TMEM132B: variants seen among roughly 807,000 people sequenced by gnomAD.
The protein encoded by TMEM132B is transmembrane protein 132B.
In TMEM132B, 18 loss-of-function variants were observed where a neutral mutation model predicts 90.8. The ratio of observed to expected loss-of-function variants is 0.20; its 90% CI spans 0.14 to 0.29. The LOEUF is 0.29. TMEM132B is among the 10% of genes least tolerant of loss of function. TMEM132B has a pLI of 1.00. For missense variants in TMEM132B, 1,096 were observed against 1,326.8 expected (o/e 0.83, Z 2.70); for synonymous variants, 504 against 523.3 (o/e 0.96, Z 0.50).
intron 4 of TMEM132B, among the ~76,000 whole-genome samples, chr12:125,548,516 G>A (rs2046521974): frequency 6.6e-6 from 1 of 152,146 alleles, no homozygotes; most frequent in African/African-American, 2.4e-5. Flanking sequence ...AGGATTGAAG[G>A]ATAAGACGAC....
At chr12:125,513,329 TGTGC>T (rs1325750620) in intron 3 of TMEM132B, among the ~76,000 whole-genome samples, 1 of 122,770 alleles carries the variant, frequency 8.1e-6, no homozygotes, top group East Asian at 2.4e-4. Flanking sequence ...TGTATGTGCG[TGTGC>T]GTGTGCCTGT....
intron 5 of TMEM132B, among the ~76,000 whole-genome samples, chr12:125,631,697 TATA>T (rs1886372393): frequency 6.6e-6 from 1 of 152,160 alleles, no homozygotes; most frequent in South Asian, 2.1e-4. Context: ...TTAAAATTGT[TATA>T]TCCTTTTGCT....
chr12:125,477,864 C>T (rs569769322), intron 3 of TMEM132B, among the ~76,000 whole-genome samples: 24 of 152,194 alleles, frequency 1.6e-4, no homozygotes, highest in African/African-American at 5.1e-4. Flanking sequence ...CTCATACAGC[C>T]GGGTGCCCCT....
chr12:125,290,452 T>TTACC (rs1875506546), intron 1 of TMEM132B, among the ~76,000 whole-genome samples: 1 of 152,232 alleles, frequency 6.6e-6, no homozygotes, highest in Admixed American at 6.5e-5. Flanking sequence ...TCCCTAGAGA[T>TTACC]TACCACTGCC....
At chr12:125,281,946 T>G (rs1875192148) in intron 1 of TMEM132B, among the ~76,000 whole-genome samples, 1 of 140,884 alleles carries the variant, frequency 7.1e-6, no homozygotes, top group Non-Finnish European at 1.5e-5. Context: ...GAGAATGGCG[T>G]GAACCCGGGA....
At chr12:125,610,643 A>ATG (rs748695487) in intron 5 of TMEM132B, among the ~76,000 whole-genome samples, 59 of 150,820 alleles carry the variant, frequency 3.9e-4, no homozygotes, top group Non-Finnish European at 7.1e-4. Context: ...CTCTCTCTGT[A>ATG]TGTGTGTGTG....
At chr12:125,211,306 A>G (rs969437442) in intron 1 of TMEM132B, among the ~76,000 whole-genome samples, 2 of 152,190 alleles carry the variant, frequency 1.3e-5, no homozygotes, top group African/African-American at 2.4e-5. Flanking sequence ...GTTGTTGGGT[A>G]TGCAGCTGGG....
At chr12:125,563,930 T>C (rs1355285442) in intron 4 of TMEM132B, among the ~76,000 whole-genome samples, 1 of 152,172 alleles carries the variant, frequency 6.6e-6, no homozygotes, top group Non-Finnish European at 1.5e-5. Flanking sequence ...GGAGGAAGTG[T>C]GGCCCTGCTG....
intron 2 of TMEM132B, among the ~76,000 whole-genome samples, chr12:125,355,215 GAACA>G (rs1877727667): frequency 1.3e-5 from 2 of 152,078 alleles, no homozygotes; most frequent in African/African-American, 4.8e-5. Context: ...ACCCAAATGA[GAACA>G]AACAGAGGAA....
At chr12:125,260,492 T>C (rs1279761366) in intron 1 of TMEM132B, among the ~76,000 whole-genome samples, 2 of 151,788 alleles carry the variant, frequency 1.3e-5, no homozygotes, top group African/African-American at 4.8e-5. Context: ...GCTGGGACCA[T>C]AGGTCTTGCT....
At chr12:125,273,752 G>C (rs1015772205) in intron 1 of TMEM132B, among the ~76,000 whole-genome samples, 2 of 152,152 alleles carry the variant, frequency 1.3e-5, no homozygotes, top group Non-Finnish European at 2.9e-5. Context: ...TGCAAGCTCT[G>C]TCTCCCGAGT....
chr12:125,236,380 C>T (rs1389007611), intron 1 of TMEM132B, among the ~76,000 whole-genome samples: 1 of 152,084 alleles, frequency 6.6e-6, no homozygotes, highest in East Asian at 1.9e-4. Context: ...TGTTCTCAAA[C>T]TCATGACCTC....
rs1297778768 is a variant in TMEM132B, at chr12:125,209,085, C to T, written c.67+22219C>T. On this transcript the variant is annotated intron_variant, in intron 1 of 8. Coordinates refer to ENST00000682704, the MANE Select transcript of TMEM132B (RefSeq NM_001366854.1). The surrounding 1 kb of genome is among the most constrained non-coding windows in gnomAD (Gnocchi z 4.4). ...GTTTGGGAAATCAGAAGGGAGCTCC[C>T]GCATGGAGGGGAAGGGATTGTACTC... is the stretch of plus-strand genomic sequence containing the variant. 2.0e-5 allele frequency among the ~76,000 whole-genome samples: 3 copies of T among 152,116 alleles called. No individual in the cohort carries two copies. The highest frequency in any genetic ancestry group is 2.9e-5 in the Non-Finnish European group (2 of 68,030).
chr12:125,387,914 G>T (rs1372310892), intron 2 of TMEM132B, among the ~76,000 whole-genome samples: 7 of 152,324 alleles, frequency 4.6e-5, no homozygotes, highest in African/African-American at 1.4e-4. Flanking sequence ...GTCTTCGGGG[G>T]TCAGTACTGT....
At chr12:125,560,831 CAAAAAAAA>C (rs58083131) in intron 4 of TMEM132B, among the ~76,000 whole-genome samples, 5 of 29,250 alleles carry the variant, frequency 1.7e-4, no homozygotes, top group East Asian at 2.0e-3. Context: ...GACTCTGTCT[CAAAAAAAA>C]AAAAAAAAAA....
intron 1 of TMEM132B, among the ~76,000 whole-genome samples, chr12:125,293,576 GC>G (rs762250962): frequency 3.9e-5 from 6 of 152,142 alleles, no homozygotes; most frequent in Non-Finnish European, 7.3e-5. Context: ...GCATTAATTT[GC>G]TTAGGATAAT....
At chr12:125,493,405 A>AGG (rs1882408859) in intron 3 of TMEM132B, among the ~76,000 whole-genome samples, 1 of 152,174 alleles carries the variant, frequency 6.6e-6, no homozygotes, top group Admixed American at 6.5e-5. Flanking sequence ...TGTAGTTCAG[A>AGG]GGAGCCAAGT....
At chr12:125,430,680 A>G (rs1880474523) in intron 3 of TMEM132B, among the ~76,000 whole-genome samples, 1 of 152,232 alleles carries the variant, frequency 6.6e-6, no homozygotes, top group Non-Finnish European at 1.5e-5. Context: ...GCAGATGTCT[A>G]TCAAGTGCCA....
intron 1 of TMEM132B, among the ~76,000 whole-genome samples, chr12:125,221,273 C>G (rs752488730): frequency 1.6e-4 from 24 of 152,176 alleles, no homozygotes; most frequent in Non-Finnish European, 3.2e-4. Context: ...AGTAGGTGCT[C>G]AGTAAATACT....
Sources: gnomAD v4.1 joint callset for allele counts (sites outside exome capture counted in the v4.1 genomes callset) on GRCh38, gnomAD v4.1.1 for gene constraint, Gnocchi (gnomAD v3.1) non-coding constraint, MANE v1.5 for transcripts, NCBI Gene and HGNC (gene_info 2026-07-23, HGNC 2026-07-21) for gene names.